ZRANB2: variants seen among roughly 807,000 people sequenced by gnomAD.
ZRANB2 encodes zinc finger Ran-binding domain-containing protein 2.
Under a neutral mutation model 53.4 loss-of-function variants are expected in ZRANB2, and 19 were observed. That is an observed-to-expected ratio of 0.36 (90% CI 0.25 to 0.52). The LOEUF is 0.52. Ranked by LOEUF, ZRANB2 falls within the 20% of genes least tolerant of loss-of-function variation. ZRANB2 has a pLI of 0.93. For synonymous variants in ZRANB2, 145 were observed against 134.8 expected (o/e 1.08, Z -0.52); for missense variants, 309 against 401.1 (o/e 0.77, Z 1.96).
Position 71,072,491 on chromosome 1 carries a change from G to T in ZRANB2, c.359C>A (p.Ser120Tyr). Residue 120 changes from serine (S) to tyrosine (Y), a missense_variant, in exon 5 of 10, where the codon TCT becomes TAT. This residue lies in a region of ZRANB2 where 74 missense variants were observed against 180.1 expected (regional missense o/e 0.41). Coordinates refer to ENST00000370920, the MANE Select transcript of ZRANB2 (RefSeq NM_203350.3). ...GCTTACCTCATCATATTCACCATCA[G>T]ATTCTTCTCTTTCTATATATTCAAC... ...ENVEYIEREE[S>Y]DGEYDEFGRK... 1 of 1,606,414 alleles carries T rather than the reference G, an allele frequency of 6.2e-7. No homozygotes were observed. The highest frequency in any genetic ancestry group is 8.5e-7 in the Non-Finnish European group (1 of 1,174,580).
chr1:71,079,507 T>TG (rs778664007), intron 1 of ZRANB2, among the ~76,000 whole-genome samples: 88 of 152,306 alleles, frequency 5.8e-4, no homozygotes, highest in Non-Finnish European at 9.9e-4. Context: ...ACAATACAGA[T>TG]GTGAAGTATG....
intron 7 of ZRANB2, chr1:71,069,733 C>T (rs1661554419): frequency 6.5e-6 from 1 of 154,078 alleles, no homozygotes; most frequent in Non-Finnish European, 1.4e-5. Flanking sequence ...CATCATTTTC[C>T]TTTATAAATC....
chr1:71,066,282 A>G (rs1226490156), intron 9 of ZRANB2: 1 of 154,096 alleles, frequency 6.5e-6, no homozygotes, highest in Non-Finnish European at 1.4e-5. Context: ...AAAATGTATT[A>G]GCTACAAGGA....
rs1183119728 is a variant in ZRANB2 at position 71,069,376 on chromosome 1, G to C, written c.684-14C>G. ...CTTGAACGGGACCTGGAACAACATG[G>C]AACGATTTTTTTTTTCCAGGACCAT... On this transcript the variant is annotated splice_polypyrimidine_tract_variant and intron_variant, in intron 7 of 9. Transcript: ENST00000370920. 6.2e-7 allele frequency: 1 copy of C among 1,610,042 alleles called. No individual in the cohort carries two copies. Among genetic ancestry groups the C allele is most frequent in the Non-Finnish European group, 8.5e-7 (1 of 1,177,416 alleles).
intron 9 of ZRANB2, chr1:71,065,791 C>T: frequency 1.2e-6 from 2 of 1,608,666 alleles, no homozygotes; most frequent in Non-Finnish European, 1.7e-6. Flanking sequence ...GTTTAGATGA[C>T]AACAAACTAG....
Position 71,072,520 on chromosome 1 carries a change from TTC to T in ZRANB2, c.328_329del (p.Glu110LysfsTer3). Reference protein sequence around the residue: ...TGYGGGFNERENVEYIEREES... With the variant: ...TGYGGGFNERXNVEYIEREES... ...CTTCTCTTTCTATATATTCAACATT[TTC>T]TCTTTCATTAAAACCACCACCATAT... On this transcript the variant is annotated frameshift_variant, in exon 5 of 10. Coordinates refer to ENST00000370920, the MANE Select transcript of ZRANB2 (RefSeq NM_203350.3). LOFTEE classifies it high-confidence loss of function. The T allele has an allele frequency of 6.2e-7, 1 of 1,607,662 alleles. No homozygotes were observed.
intron 4 of ZRANB2, among the ~76,000 whole-genome samples, chr1:71,075,192 T>G (rs1442866426): frequency 6.6e-6 from 1 of 152,184 alleles, no homozygotes; most frequent in Non-Finnish European, 1.5e-5. Flanking sequence ...AATAAAAACA[T>G]GTAGAAACCA....
At chr1:71,075,801 A>C (rs1245944663) in intron 4 of ZRANB2, among the ~76,000 whole-genome samples, 1 of 151,816 alleles carries the variant, frequency 6.6e-6, no homozygotes, top group Non-Finnish European at 1.5e-5. Context: ...TCCTAAGAAT[A>C]AGGCAGGATT....
intron 5 of ZRANB2, 47 bp downstream of exon 5, chr1:71,072,425 C>A (rs1661615633): frequency 6.5e-7 from 1 of 1,537,644 alleles, no homozygotes; most frequent in East Asian, 2.3e-5. Flanking sequence ...AGAATTTTTT[C>A]TGTTTTTCTA....
At chr1:71,073,442 A>G (rs1419401446) in intron 4 of ZRANB2, among the ~76,000 whole-genome samples, 1 of 151,960 alleles carries the variant, frequency 6.6e-6, no homozygotes, top group African/African-American at 2.4e-5. Flanking sequence ...CATCAGCAAA[A>G]TATTAAATAG....
chr1:71,078,285 T>C (rs1661755132), intron 3 of ZRANB2, among the ~76,000 whole-genome samples, 172 bp downstream of exon 3: 1 of 152,138 alleles, frequency 6.6e-6, no homozygotes, highest in African/African-American at 2.4e-5. Flanking sequence ...ATGCAAAGAA[T>C]AATTTAAAAC....
At position 71,066,842 on chromosome 1, in the gene ZRANB2, C is replaced by T; in HGVS notation, c.863G>A (p.Ser288Asn). The T allele has an allele frequency of 6.2e-7, 1 of 1,612,502 alleles. No homozygotes were observed. Residue 288 changes from serine to asparagine, a missense_variant, in exon 9 of 10, where the codon AGT becomes AAT. By Grantham distance (46) the Ser-to-Asn change is conservative (BLOSUM62 1). This residue lies in a region of ZRANB2 where 211 missense variants were observed against 196.1 expected (regional missense o/e 1.08). Transcript: ENST00000370920. Reference sequence around the variant, plus strand: ...ACCAGATGAAGAAGATCTAGAACGACTTCTCTTTCTGTTCCTCTCAGGAGA... The same window carrying T: ...ACCAGATGAAGAAGATCTAGAACGATTTCTCTTTCTGTTCCTCTCAGGAGA... ...SSSPERNRKR[S>N]RSRSSSSGDR...
intron 4 of ZRANB2, 62 bp from the exon 5 acceptor site, chr1:71,072,610 T>A: frequency 7.9e-7 from 1 of 1,273,764 alleles, no homozygotes; most frequent in Non-Finnish European, 1.1e-6. Context: ...AAACACATCA[T>A]GCCCAAATCT....
At chr1:71,067,776 C>T (rs997599243) in intron 8 of ZRANB2, 1 of 376,918 alleles carries the variant, frequency 2.7e-6, no homozygotes, top group African/African-American at 2.3e-5. Flanking sequence ...TATAATGGTT[C>T]CCAAAGGGAA....
Position 71,066,896 on chromosome 1 carries a change from C to T in ZRANB2, c.809G>A (p.Arg270Gln), listed in dbSNP as rs1273444321. The T allele has an allele frequency of 7.5e-6, 12 of 1,600,270 alleles. No homozygotes were observed. Among genetic ancestry groups the T allele is most frequent in the Admixed American group, 3.4e-5 (2 of 58,494 alleles). Residue 270 changes from arginine to glutamine, a missense_variant, in exon 9 of 10, where the codon CGA becomes CAA. Transcript: ENST00000370920. ...TGATGAACTTGAATAAGATCTTTTT[C>T]GTGGGGAAGAAGAGCCCCTGTGGGA... The part of the protein sequence containing the change: ...SRSHRGSSSP[R>Q]KRSYSSSSSS...
chr1:71,075,955 G>A (rs947484889), intron 4 of ZRANB2, among the ~76,000 whole-genome samples: 1 of 152,060 alleles, frequency 6.6e-6, no homozygotes, highest in Non-Finnish European at 1.5e-5. Context: ...GGAAGAGCTA[G>A]GTCGAAAAGA....
Position 71,069,273 on chromosome 1 carries a change from C to T in ZRANB2, c.770+3G>A. 1 of 1,608,872 alleles carries T rather than the reference C, an allele frequency of 6.2e-7. No individual in the cohort carries two copies. ...CTTTACAGAGAGATGCTACCTCATT[C>T]ACCTTGATTTCGACCCACGAGATCT... On this transcript the variant is annotated splice_donor_region_variant and intron_variant, in intron 8 of 9. Coordinates refer to ENST00000370920, the MANE Select transcript of ZRANB2 (RefSeq NM_203350.3).
At chr1:71,068,754 T>C (rs998006249) in intron 8 of ZRANB2, among the ~76,000 whole-genome samples, 1 of 152,064 alleles carries the variant, frequency 6.6e-6, no homozygotes, top group Non-Finnish European at 1.5e-5. Context: ...GAAGAAAATT[T>C]TTCTTTTTAT....
chr1:71,074,901 A>G (rs1273181363), intron 4 of ZRANB2, among the ~76,000 whole-genome samples: 1 of 152,224 alleles, frequency 6.6e-6, no homozygotes, highest in Non-Finnish European at 1.5e-5. Context: ...GTTATTTCAC[A>G]CCTTCAACTG....
Sources: gnomAD v4.1 joint callset for allele counts (sites outside exome capture counted in the v4.1 genomes callset) on GRCh38, gnomAD v4.1.1 for gene constraint, gnomAD v4.1.1 regional missense constraint, MANE v1.5 for transcripts, NCBI Gene and HGNC (gene_info 2026-07-23, HGNC 2026-07-21) for gene names.